The following NSMCE2 variants were observed in gnomAD, a reference collection of about 807,000 sequenced individuals.
The protein encoded by NSMCE2 is NSE2 SUMO ligase component of SMC5/6 complex.
NSMCE2 carries 24 observed loss-of-function variants against 23.8 expected under a neutral mutation model. The ratio of observed to expected loss-of-function variants is 1.01; its 90% CI spans 0.73 to 1.42. The LOEUF (loss-of-function observed/expected upper bound fraction) is 1.42, where lower values mean the gene tolerates loss of function less well. NSMCE2 is among the 40% of genes most tolerant of loss of function. The probability of loss-of-function intolerance (pLI) is 0.00; values close to 1 mark genes in which losing one functional copy is unlikely to be tolerated. For synonymous variants in NSMCE2, 92 were observed against 94.1 expected (o/e 0.98, Z 0.13); for missense variants, 284 against 296.5 (o/e 0.96, Z 0.31).
intron 4 of NSMCE2, among the ~76,000 whole-genome samples, chr8:125,158,103 T>C (rs950012583): frequency 6.6e-6 from 1 of 152,220 alleles, no homozygotes; most frequent in Non-Finnish European, 1.5e-5. Context: ...GAAGTGCTGC[T>C]GTGGTTTCAA....
chr8:125,188,773 C>T (rs924948775), intron 5 of NSMCE2, among the ~76,000 whole-genome samples: 6 of 152,152 alleles, frequency 3.9e-5, no homozygotes, highest in African/African-American at 1.4e-4. Flanking sequence ...GTGCAGTTTG[C>T]TTCATTTGGG....
chr8:125,175,979 CCCTAACTTAGTT>C (rs2093667121), intron 4 of NSMCE2, among the ~76,000 whole-genome samples: 1 of 152,060 alleles, frequency 6.6e-6, no homozygotes, highest in East Asian at 1.9e-4. Flanking sequence ...CCATTTGGAG[CCCTAACTTAGTT>C]CCTAACAGTC....
At chr8:125,095,184 C>T (rs1198394724) in intron 1 of NSMCE2, among the ~76,000 whole-genome samples, 2 of 152,114 alleles carry the variant, frequency 1.3e-5, no homozygotes, top group Non-Finnish European at 1.5e-5. Context: ...GTGCCTAGTG[C>T]CTATCATATT....
At chr8:125,241,739 T>G (rs747624353) in intron 5 of NSMCE2, among the ~76,000 whole-genome samples, 1 of 152,132 alleles carries the variant, frequency 6.6e-6, no homozygotes, top group Non-Finnish European at 1.5e-5. Context: ...ATAGTGTAAG[T>G]TGAAAAGAAG....
intron 5 of NSMCE2, among the ~76,000 whole-genome samples, chr8:125,320,061 A>C (rs892837632): frequency 6.6e-6 from 1 of 151,714 alleles, no homozygotes; most frequent in Non-Finnish European, 1.5e-5. Context: ...TTATAGTCCC[A>C]CCTGCTCAGG....
At chr8:125,134,971 A>C (rs192361690) in intron 3 of NSMCE2, among the ~76,000 whole-genome samples, 22 of 152,186 alleles carry the variant, frequency 1.4e-4, no homozygotes, top group Middle Eastern at 3.4e-3. Context: ...GCAGTGGCTC[A>C]ATATTGGCTT....
chr8:125,188,946 G>GTTCC (rs1823227423), intron 5 of NSMCE2, among the ~76,000 whole-genome samples: 1 of 152,212 alleles, frequency 6.6e-6, no homozygotes, highest in Non-Finnish European at 1.5e-5. Flanking sequence ...AAACTTGGAA[G>GTTCC]AAGACAGATG....
chr8:125,198,304 G>A (rs1333052680), intron 5 of NSMCE2, among the ~76,000 whole-genome samples: 1 of 152,140 alleles, frequency 6.6e-6, no homozygotes, highest in African/African-American at 2.4e-5. Context: ...TGCCCATTCA[G>A]GATGATATTG....
chr8:125,307,706 A>C (rs1452968055), intron 5 of NSMCE2, among the ~76,000 whole-genome samples: 1 of 152,022 alleles, frequency 6.6e-6, no homozygotes, highest in Non-Finnish European at 1.5e-5. Context: ...TGCCTCTAAA[A>C]CCCCACAAAG....
intron 5 of NSMCE2, among the ~76,000 whole-genome samples, chr8:125,210,109 C>G (rs1048244590): frequency 6.6e-6 from 1 of 152,144 alleles, no homozygotes; most frequent in East Asian, 1.9e-4. Flanking sequence ...CTCTGTAACC[C>G]GGGATAAGTT....
chr8:125,142,890 C>T (rs1407578076), intron 3 of NSMCE2, among the ~76,000 whole-genome samples: 2 of 152,204 alleles, frequency 1.3e-5, no homozygotes, highest in Admixed American at 6.5e-5. Flanking sequence ...GCATGGGCCA[C>T]CACACCCAGC....
chr8:125,332,590 T>C (rs989400588), intron 5 of NSMCE2, among the ~76,000 whole-genome samples: 31 of 152,242 alleles, frequency 2.0e-4, no homozygotes, highest in African/African-American at 7.5e-4. Flanking sequence ...GTTAGTTCTT[T>C]CCTTGTTAAG....
At chr8:125,151,777 C>T (rs1029926903) in intron 4 of NSMCE2, among the ~76,000 whole-genome samples, 1 of 152,078 alleles carries the variant, frequency 6.6e-6, no homozygotes, top group African/African-American at 2.4e-5. Context: ...TTGTTGACTC[C>T]AGCTGTCACA....
At chr8:125,103,905 G>A (rs1818321722) in intron 3 of NSMCE2, among the ~76,000 whole-genome samples, 1 of 150,112 alleles carries the variant, frequency 6.7e-6, no homozygotes, top group Non-Finnish European at 1.5e-5. Context: ...TATGGAGCAT[G>A]TTTATAATAG....
At chr8:125,209,322 C>T (rs1397987739) in intron 5 of NSMCE2, among the ~76,000 whole-genome samples, 2 of 152,130 alleles carry the variant, frequency 1.3e-5, no homozygotes, top group Non-Finnish European at 2.9e-5. Context: ...TGAGTGATGT[C>T]AACTGGGTAC....
rs1415515671 is a variant in NSMCE2 at position 125,326,695 on chromosome 8, C to T, written c.419-30524C>T. Among the ~76,000 whole-genome samples, 5 of 152,342 alleles carry T rather than the reference C, an allele frequency of 3.3e-5. No homozygotes were observed. The East Asian group carries it at 9.6e-4, about 29-fold the overall frequency. ...GGCGGGCCAGGCGCAATGGCTCACG[C>T]CTGTAATCCCAGCACTTTGGGAGGC... On this transcript the variant is annotated intron_variant, in intron 5 of 7. Coordinates refer to ENST00000287437, the MANE Select transcript of NSMCE2 (RefSeq NM_173685.4).
At chr8:125,277,705 G>A (rs943028924) in intron 5 of NSMCE2, among the ~76,000 whole-genome samples, 3 of 152,070 alleles carry the variant, frequency 2.0e-5, no homozygotes, top group African/African-American at 4.8e-5. Context: ...TAGTAGCGAC[G>A]GGGTTTCACT....
At chr8:125,174,210 T>G (rs1822361986) in intron 4 of NSMCE2, among the ~76,000 whole-genome samples, 1 of 152,156 alleles carries the variant, frequency 6.6e-6, no homozygotes, top group African/African-American at 2.4e-5. Context: ...TTTCCCCCAC[T>G]AGATCCAAAA....
chr8:125,308,322 G>GA (rs368080885), intron 5 of NSMCE2, among the ~76,000 whole-genome samples: 5 of 152,124 alleles, frequency 3.3e-5, no homozygotes, highest in Middle Eastern at 3.4e-3. Flanking sequence ...GTTTTGGGGG[G>GA]AAAAAATCCT....
Sources: gnomAD v4.1 joint callset for allele counts (sites outside exome capture counted in the v4.1 genomes callset) on GRCh38, gnomAD v4.1.1 for gene constraint, MANE v1.5 for transcripts, NCBI Gene and HGNC (gene_info 2026-07-23, HGNC 2026-07-21) for gene names.